Variants in SERPINE2 observed in about 807,000 individuals in gnomAD.
SERPINE2 encodes glia-derived nexin.
Under a neutral mutation model 36.3 loss-of-function variants are expected in SERPINE2, and 14 were observed. The ratio of observed to expected loss-of-function variants is 0.39; its 90% CI spans 0.25 to 0.60. SERPINE2 has a LOEUF of 0.60. Ranked by LOEUF, SERPINE2 falls within the 20% of genes least tolerant of loss-of-function variation. The probability of loss-of-function intolerance (pLI) is 0.57; values close to 1 mark genes in which losing one functional copy is unlikely to be tolerated. For synonymous variants in SERPINE2, 192 were observed against 191.8 expected (o/e 1.00, Z -0.01); for missense variants, 418 against 499.6 (o/e 0.84, Z 1.56).
intron 3 of SERPINE2, among the ~76,000 whole-genome samples, chr2:223,993,334 T>C (rs1172600465): frequency 1.3e-5 from 2 of 152,214 alleles, no homozygotes; most frequent in Non-Finnish European, 2.9e-5. Flanking sequence ...TCCAAAATGC[T>C]ACCTGTGGCT....
intron 1 of SERPINE2, among the ~76,000 whole-genome samples, chr2:224,003,395 G>A (rs1362781569): frequency 6.6e-6 from 1 of 152,176 alleles, no homozygotes; most frequent in Non-Finnish European, 1.5e-5. Flanking sequence ...CCCTCGGGTT[G>A]CTCTGATTAT....
At position 224,022,236 on chromosome 2, in the gene SERPINE2, G is replaced by C. The variant is rs542840100; in HGVS notation, c.-23+16863C>G. 2.6e-5 allele frequency among the ~76,000 whole-genome samples: 4 copies of C among 151,038 alleles called. No individual in the cohort carries two copies. The South Asian group carries it at 6.3e-4, about 24-fold the overall frequency. Reference sequence around the variant, plus strand: ...AGTACCAGCTACTCATGAGGCTGAGGTGGGAGAATCACTTGAACCCAGGAG... The same window carrying C: ...AGTACCAGCTACTCATGAGGCTGAGCTGGGAGAATCACTTGAACCCAGGAG... On this transcript the variant is annotated intron_variant, in intron 1 of 8. Transcript: ENST00000409304.
At chr2:223,989,566 T>C (rs1690570992) in intron 4 of SERPINE2, among the ~76,000 whole-genome samples, 1 of 152,162 alleles carries the variant, frequency 6.6e-6, no homozygotes, top group South Asian at 2.1e-4. Flanking sequence ...GTCAAGACAA[T>C]CCTTCCCTAT....
chr2:224,013,277 T>C (rs1271273963), intron 1 of SERPINE2, among the ~76,000 whole-genome samples: 1 of 152,216 alleles, frequency 6.6e-6, no homozygotes, highest in African/African-American at 2.4e-5. Context: ...AGTGGTGCTC[T>C]CACAGCCTAG....
chr2:224,023,511 G>C (rs138003905), intron 1 of SERPINE2, among the ~76,000 whole-genome samples: 1 of 152,356 alleles, frequency 6.6e-6, no homozygotes, highest in East Asian at 1.9e-4. Flanking sequence ...TCTACAACCT[G>C]AGAAGGAAGT....
At chr2:224,016,366 C>A (rs1192545066) in intron 1 of SERPINE2, among the ~76,000 whole-genome samples, 1 of 152,106 alleles carries the variant, frequency 6.6e-6, no homozygotes, top group Non-Finnish European at 1.5e-5. Flanking sequence ...ATTAGTCAGT[C>A]GTCGCGGCAG....
intron 1 of SERPINE2, among the ~76,000 whole-genome samples, chr2:224,011,490 T>C (rs1200785496): frequency 2.6e-5 from 4 of 152,228 alleles, no homozygotes; most frequent in African/African-American, 7.2e-5. Context: ...TGAGATATTA[T>C]TTATCAATCT....
At chr2:224,009,437 G>A (rs1259732761) in intron 1 of SERPINE2, among the ~76,000 whole-genome samples, 3 of 152,184 alleles carry the variant, frequency 2.0e-5, no homozygotes, top group Admixed American at 2.0e-4. Flanking sequence ...GCTCAAGCCC[G>A]TAACCCCAGC....
At chr2:224,011,432 C>G (rs4674838) in intron 1 of SERPINE2, among the ~76,000 whole-genome samples, 141,499 of 152,290 alleles carry the variant, frequency 0.93, 66,213 homozygotes, top group Non-Finnish European at 0.99. Flanking sequence ...TCAATAAAAT[C>G]CAAATTCTTT....
intron 1 of SERPINE2, among the ~76,000 whole-genome samples, chr2:224,018,445 A>C (rs1015400072): frequency 6.6e-6 from 1 of 152,104 alleles, no homozygotes; most frequent in South Asian, 2.1e-4. Flanking sequence ...TCATATAGAA[A>C]ATGCTTGATC....
chr2:223,999,461 T>A (rs1220057766), intron 2 of SERPINE2, among the ~76,000 whole-genome samples: 1 of 152,180 alleles, frequency 6.6e-6, no homozygotes, highest in Non-Finnish European at 1.5e-5. Flanking sequence ...ATGTGCGTCC[T>A]CTTCAGGCCT....
At chr2:224,027,877 C>T (rs936676232) in intron 1 of SERPINE2, among the ~76,000 whole-genome samples, 4 of 152,214 alleles carry the variant, frequency 2.6e-5, no homozygotes, top group African/African-American at 9.6e-5. Context: ...CACCCAAATA[C>T]AACAGGCTGC....
intron 7 of SERPINE2, chr2:223,979,541 T>C (rs968323790): frequency 6.6e-6 from 1 of 152,214 alleles, no homozygotes; most frequent in Admixed American, 6.5e-5. Flanking sequence ...CTTTATGGGC[T>C]CACAGAGTTG....
intron 1 of SERPINE2, among the ~76,000 whole-genome samples, chr2:224,036,028 C>T (rs1044210955): frequency 2.0e-5 from 3 of 152,152 alleles, no homozygotes; most frequent in East Asian, 3.9e-4. Flanking sequence ...AACAATGAAG[C>T]GGATATGGGG....
chr2:223,988,435 G>T (rs1690523515), intron 4 of SERPINE2, among the ~76,000 whole-genome samples: 1 of 152,132 alleles, frequency 6.6e-6, no homozygotes, highest in African/African-American at 2.4e-5. Context: ...GCTTCCCAAA[G>T]TGCTGGAATT....
intron 1 of SERPINE2, among the ~76,000 whole-genome samples, chr2:224,026,958 A>G (rs1337837945): frequency 2.0e-5 from 3 of 152,218 alleles, no homozygotes; most frequent in Non-Finnish European, 4.4e-5. Context: ...AGCTGGTACA[A>G]ATCAATAAAT....
chr2:224,032,074 G>A (rs957676287), intron 1 of SERPINE2, among the ~76,000 whole-genome samples: 3 of 152,180 alleles, frequency 2.0e-5, no homozygotes, highest in Non-Finnish European at 4.4e-5. Flanking sequence ...AGATAATGCA[G>A]TAGTTAATAG....
chr2:224,028,795 A>T (rs935621517), intron 1 of SERPINE2, among the ~76,000 whole-genome samples: 2 of 152,158 alleles, frequency 1.3e-5, no homozygotes, highest in Non-Finnish European at 2.9e-5. Flanking sequence ...CCTCTGTGCC[A>T]GCTATGGTGG....
rs71058971 is a variant in SERPINE2 at position 223,983,736 on chromosome 2, A to ATGTG, written c.885-959_885-956dup. ...CACACACGTATATATATGTGTGTAT[A>ATGTG]TGTGTGTGTGTGTGTGTGTGTGTGT... On this transcript the variant is annotated intron_variant, in intron 5 of 8. Transcript: ENST00000409304. Among the ~76,000 whole-genome samples, 679 of 82,790 alleles carry ATGTG rather than the reference A, an allele frequency of 8.2e-3. 8 individuals carry two copies. Among genetic ancestry groups the ATGTG allele is most frequent in the South Asian group, 0.044 (96 of 2,162 alleles). The allele number at this position is 82,790 out of a possible 152,430, so 54.3% of individuals were successfully genotyped here.
Sources: allele counts gnomAD v4.1 joint callset (sites outside exome capture counted in the v4.1 genomes callset), GRCh38; gene constraint gnomAD v4.1.1; transcripts MANE v1.5; gene names NCBI Gene and HGNC (gene_info 2026-07-23, HGNC 2026-07-21).